Variants in PIBF1 observed in about 807,000 individuals in gnomAD.
The protein encoded by PIBF1 is progesterone-induced-blocking factor 1.
A neutral mutation model predicts 112.5 loss-of-function variants in PIBF1; 90 were observed. The ratio of observed to expected loss-of-function variants is 0.80; its 90% confidence interval spans 0.67 to 0.95. The LOEUF is 0.95. Among genes scored for constraint, PIBF1 ranks in the 40% least tolerant of loss-of-function variants. The pLI is 0.00. For synonymous variants in PIBF1, 301 were observed against 288.6 expected (o/e 1.04, Z -0.44); for missense variants, 915 against 852.3 (o/e 1.07, Z -0.92).
intron 6 of PIBF1, among the ~76,000 whole-genome samples, chr13:72,825,816 A>G (rs1428396854): frequency 6.6e-6 from 1 of 151,946 alleles, no homozygotes; most frequent in East Asian, 1.9e-4. Flanking sequence ...CTGTAATCCT[A>G]GTGCTTTCAG....
At chr13:72,873,111 A>T (rs1181696413) in intron 10 of PIBF1, among the ~76,000 whole-genome samples, 3 of 152,160 alleles carry the variant, frequency 2.0e-5, no homozygotes, top group Non-Finnish European at 4.4e-5. Flanking sequence ...TTACATGGAA[A>T]TCGAAAGGAC....
chr13:72,911,970 GAGAA>G (rs1594179905), intron 12 of PIBF1, among the ~76,000 whole-genome samples: 1 of 147,070 alleles, frequency 6.8e-6, no homozygotes, highest in East Asian at 2.0e-4. Flanking sequence ...TAGAAAAAAA[GAGAA>G]AGAGAGAAGG....
intron 2 of PIBF1, among the ~76,000 whole-genome samples, chr13:72,790,752 G>A (rs1179944977): frequency 6.6e-6 from 1 of 152,142 alleles, no homozygotes; most frequent in Non-Finnish European, 1.5e-5. Context: ...GTGGTTAGCT[G>A]TATCAAGTCA....
intron 10 of PIBF1, among the ~76,000 whole-genome samples, chr13:72,877,653 A>T (rs2039462202): frequency 6.6e-6 from 1 of 152,046 alleles, no homozygotes; most frequent in Non-Finnish European, 1.5e-5. Context: ...CTAATTTATG[A>T]AGTTTGAGAG....
At chr13:72,905,597 C>CT (rs993570014) in intron 11 of PIBF1, among the ~76,000 whole-genome samples, 2 of 152,062 alleles carry the variant, frequency 1.3e-5, no homozygotes, top group African/African-American at 4.8e-5. Context: ...GTATTTAAAA[C>CT]TTTTTTCCTA....
At chr13:72,809,059 C>G (rs7997773) in intron 5 of PIBF1, among the ~76,000 whole-genome samples, 2 of 150,218 alleles carry the variant, frequency 1.3e-5, no homozygotes, top group Admixed American at 1.3e-4. Flanking sequence ...TCAGTCTTTC[C>G]GTTTTACTTT....
intron 14 of PIBF1, among the ~76,000 whole-genome samples, chr13:72,939,137 G>A (rs1210023588): frequency 1.3e-5 from 2 of 152,136 alleles, no homozygotes; most frequent in African/African-American, 4.8e-5. Context: ...CCACTTGTTA[G>A]TGTCCTTCAA....
At chr13:72,880,555 A>G (rs1411549108) in intron 10 of PIBF1, among the ~76,000 whole-genome samples, 2 of 152,176 alleles carry the variant, frequency 1.3e-5, no homozygotes, top group African/African-American at 4.8e-5. Flanking sequence ...CTCATTTTAT[A>G]ATTATGAAAG....
At chr13:72,863,022 G>A (rs2038762157) in intron 10 of PIBF1, among the ~76,000 whole-genome samples, 2 of 152,102 alleles carry the variant, frequency 1.3e-5, no homozygotes, top group South Asian at 2.1e-4. Flanking sequence ...AAGAGAAATA[G>A]TGTTTGTACA....
At chr13:72,975,381 A>G (rs2042995771) in intron 16 of PIBF1, among the ~76,000 whole-genome samples, 1 of 152,112 alleles carries the variant, frequency 6.6e-6, no homozygotes, top group African/African-American at 2.4e-5. Flanking sequence ...AAAACATATC[A>G]TTGGTTTATG....
At chr13:72,827,689 A>C (rs2036883438) in intron 7 of PIBF1, 44 bp from the exon 8 acceptor site, 1 of 1,102,822 alleles carries the variant, frequency 9.1e-7, no homozygotes, top group East Asian at 2.8e-5. Flanking sequence ...TTGAAAAGTA[A>C]GATGGCATCA....
At chr13:72,963,511 T>C (rs1051153322) in intron 14 of PIBF1, among the ~76,000 whole-genome samples, 1 of 152,098 alleles carries the variant, frequency 6.6e-6, no homozygotes, top group African/African-American at 2.4e-5. Context: ...AGAGAATTTC[T>C]TGAATCCAGG....
At chr13:72,914,242 G>A (rs2041005447) in intron 12 of PIBF1, among the ~76,000 whole-genome samples, 1 of 152,050 alleles carries the variant, frequency 6.6e-6, no homozygotes, top group Non-Finnish European at 1.5e-5. Flanking sequence ...GCAAATTAAA[G>A]TATCTTATTT....
chr13:72,797,992 G>A lies in PIBF1; in HGVS notation c.638G>A (p.Ser213Asn), dbSNP rs777709864. The part of the protein sequence containing the change: ...VKKNILAEEL[S>N]TNKNQLKQLT... ...AAGAATATCCTAGCAGAAGAATTAA[G>A]TACAAACAAAAACCAACTGAAGCAG... Residue 213 changes from serine to asparagine, a missense_variant, in exon 5 of 18, where the codon AGT becomes AAT. Physicochemically the swap from Ser to Asn is conservative, Grantham distance 46 (BLOSUM62 1). Coordinates refer to ENST00000326291, the MANE Select transcript of PIBF1 (RefSeq NM_006346.4). The A allele has an allele frequency of 5.6e-6, 9 of 1,606,612 alleles. No individual in the cohort carries two copies. The highest frequency in any genetic ancestry group is 7.6e-6 in the Non-Finnish European group (9 of 1,177,244).
rs545666874 is a variant in PIBF1, at chr13:72,900,101, A to G, written c.1488+6152A>G. Among the ~76,000 whole-genome samples, 8 of 152,334 alleles carry G rather than the reference A, an allele frequency of 5.3e-5. 1 individual carries two copies. The South Asian group carries it at 1.7e-3, about 32-fold the overall frequency. On this transcript the variant is annotated intron_variant, in intron 11 of 17. Coordinates refer to ENST00000326291, the MANE Select transcript of PIBF1 (RefSeq NM_006346.4). ...ACAAAACACTGCTGAAAGAAATCATAGATGACACAAACAAATGGAAACACA... is the reference window on the plus strand; with the variant it reads ...ACAAAACACTGCTGAAAGAAATCATGGATGACACAAACAAATGGAAACACA...
intron 3 of PIBF1, among the ~76,000 whole-genome samples, chr13:72,793,523 A>T (rs541940052): frequency 3.3e-5 from 5 of 152,210 alleles, no homozygotes; most frequent in Non-Finnish European, 7.3e-5. Context: ...GGTGATGCAG[A>T]TGCTGCTGGT....
At chr13:72,848,561 C>T (rs1383781513) in intron 9 of PIBF1, among the ~76,000 whole-genome samples, 1 of 152,104 alleles carries the variant, frequency 6.6e-6, no homozygotes, top group Non-Finnish European at 1.5e-5. Context: ...GAACTTAACT[C>T]TTGGCCGGGC....
intron 11 of PIBF1, among the ~76,000 whole-genome samples, chr13:72,895,838 C>T (rs181668112): frequency 3.9e-5 from 6 of 152,254 alleles, no homozygotes; most frequent in African/African-American, 7.2e-5. Context: ...ACCCGGAAGA[C>T]ACCCCAAATA....
intron 11 of PIBF1, among the ~76,000 whole-genome samples, chr13:72,899,039 T>G (rs190420291): frequency 7.2e-5 from 11 of 152,074 alleles, no homozygotes; most frequent in African/African-American, 2.7e-4. Context: ...GATGGATAAA[T>G]TCCTTGAAAA....
Sources: allele counts gnomAD v4.1 joint callset (sites outside exome capture counted in the v4.1 genomes callset), GRCh38; gene constraint gnomAD v4.1.1; transcripts MANE v1.5; gene names NCBI Gene and HGNC (gene_info 2026-07-23, HGNC 2026-07-21).